Variants in SLC16A10 observed in about 807,000 individuals in gnomAD.
SLC16A10 encodes the protein monocarboxylate transporter 10.
Under a neutral mutation model 40.0 loss-of-function variants are expected in SLC16A10, and 27 were observed. The ratio of observed to expected loss-of-function variants is 0.67; its 90% confidence interval spans 0.50 to 0.93. The LOEUF (loss-of-function observed/expected upper bound fraction) is 0.93. Ranked by LOEUF, SLC16A10 falls within the 40% of genes least tolerant of loss-of-function variation. SLC16A10 has a pLI of 0.00. For missense variants in SLC16A10, 529 were observed against 658.2 expected, an observed-to-expected ratio of 0.80 and a Z score of 2.15; for synonymous variants, 213 against 249.8, an observed-to-expected ratio of 0.85 and a Z score of 1.39.
intron 1 of SLC16A10, among the ~76,000 whole-genome samples, chr6:111,144,450 G>A (rs909038336): frequency 2.6e-5 from 4 of 152,238 alleles, no homozygotes; most frequent in East Asian, 1.9e-4. Context: ...TGATCTGCCC[G>A]CCTCAGCCTC....
At chr6:111,128,081 G>T (rs1225548945) in intron 1 of SLC16A10, among the ~76,000 whole-genome samples, 1 of 152,148 alleles carries the variant, frequency 6.6e-6, no homozygotes, top group African/African-American at 2.4e-5. Context: ...GCCAAAAGGG[G>T]CAGTGATACC....
At chr6:111,219,650 A>AG (rs1412874401) in intron 5 of SLC16A10, among the ~76,000 whole-genome samples, 499 of 152,338 alleles carry the variant, frequency 3.3e-3, no homozygotes, top group Non-Finnish European at 5.4e-3. Flanking sequence ...GCCTGTAAAT[A>AG]CCTAACTGGG....
intron 1 of SLC16A10, among the ~76,000 whole-genome samples, chr6:111,113,696 G>A (rs1244566121): frequency 6.6e-6 from 1 of 152,154 alleles, no homozygotes; most frequent in East Asian, 1.9e-4. Context: ...CTTTGAAATG[G>A]ACTTCTTGGC....
intron 1 of SLC16A10, among the ~76,000 whole-genome samples, chr6:111,098,303 T>C (rs1477345314): frequency 6.6e-6 from 1 of 151,578 alleles, no homozygotes; most frequent in Non-Finnish European, 1.5e-5. Context: ...TGAAACTCAG[T>C]CTCAAAAAAA....
At chr6:111,220,703 A>G (rs1251287939) in intron 5 of SLC16A10, among the ~76,000 whole-genome samples, 7 of 152,254 alleles carry the variant, frequency 4.6e-5, no homozygotes, top group Non-Finnish European at 1.0e-4. Flanking sequence ...CTACAAGCTT[A>G]GTTTTATAGT....
chr6:111,179,822 G>A (rs779260805), intron 3 of SLC16A10, among the ~76,000 whole-genome samples: 4 of 152,136 alleles, frequency 2.6e-5, no homozygotes, highest in Admixed American at 6.5e-5. Context: ...TTATCGCACC[G>A]AATGCAGCAC....
intron 4 of SLC16A10, among the ~76,000 whole-genome samples, chr6:111,213,935 A>G (rs1428081951): frequency 1.3e-5 from 2 of 152,208 alleles, no homozygotes; most frequent in Non-Finnish European, 2.9e-5. Context: ...AACTTTAGGA[A>G]CGTCAATTAC....
At chr6:111,194,192 CT>C (rs940959700) in intron 3 of SLC16A10, among the ~76,000 whole-genome samples, 1 of 152,182 alleles carries the variant, frequency 6.6e-6, no homozygotes, top group Non-Finnish European at 1.5e-5. Context: ...CTCATGACTA[CT>C]TTACTTTCTA....
At chr6:111,220,252 T>G (rs1156735329) in intron 5 of SLC16A10, among the ~76,000 whole-genome samples, 1 of 152,256 alleles carries the variant, frequency 6.6e-6, no homozygotes, top group East Asian at 1.9e-4. Context: ...GAAAATATTT[T>G]GGAACTAAAT....
At chr6:111,128,832 T>C (rs1583317526) in intron 1 of SLC16A10, among the ~76,000 whole-genome samples, 1 of 152,212 alleles carries the variant, frequency 6.6e-6, no homozygotes, top group East Asian at 1.9e-4. Context: ...ACAAATTGTT[T>C]TTATATTTTT....
intron 1 of SLC16A10, among the ~76,000 whole-genome samples, chr6:111,130,621 C>T (rs182453897): frequency 3.3e-5 from 5 of 152,330 alleles, no homozygotes; most frequent in African/African-American, 1.2e-4. Context: ...GGGCCATTCA[C>T]TTCTGCTGCT....
chr6:111,178,517 C>T (rs922462179), intron 3 of SLC16A10: 7 of 489,228 alleles, frequency 1.4e-5, no homozygotes, highest in Non-Finnish European at 2.0e-5. Context: ...TCAAGACCAG[C>T]GTGGGCAACA....
intron 1 of SLC16A10, among the ~76,000 whole-genome samples, chr6:111,094,722 C>G (rs1771042887): frequency 6.6e-6 from 1 of 152,148 alleles, no homozygotes; most frequent in Admixed American, 6.6e-5. Context: ...ACTGCAGCCT[C>G]AAACTTCTAA....
At chr6:111,220,518 C>G (rs1209805771) in intron 5 of SLC16A10, among the ~76,000 whole-genome samples, 1 of 152,170 alleles carries the variant, frequency 6.6e-6, no homozygotes, top group Non-Finnish European at 1.5e-5. Context: ...AGGTTTAGCT[C>G]AATTCATTCT....
At chr6:111,169,919 C>CTTTTTTTTTTTTTTTTT (rs60561269) in intron 1 of SLC16A10, among the ~76,000 whole-genome samples, 1 of 135,114 alleles carries the variant, frequency 7.4e-6, no homozygotes, top group Non-Finnish European at 1.6e-5. Flanking sequence ...TCTTTTCTTT[C>CTTTTTTTTTTTTTTTTT]TTTTTTTTTT....
In SLC16A10 at chr6:111,120,213, T is replaced by G. The variant is rs1771559938; in HGVS notation, c.343+32118T>G. Among the ~76,000 whole-genome samples the G allele has an allele frequency of 2.0e-5, 3 of 152,228 alleles. 1 individual carries two copies. The South Asian group carries it at 6.2e-4, about 32-fold the overall frequency. On this transcript the variant is annotated intron_variant, in intron 1 of 5. Transcript: ENST00000368851. ...TGAAACATTTTTTTCCATTTCTCCTTTTTCTGTGTTTAGTAATCCTTTCTT... is the reference window on the plus strand; with the variant it reads ...TGAAACATTTTTTTCCATTTCTCCTGTTTCTGTGTTTAGTAATCCTTTCTT...
chr6:111,132,890 A>C (rs922415487), intron 1 of SLC16A10, among the ~76,000 whole-genome samples: 6 of 152,190 alleles, frequency 3.9e-5, no homozygotes, highest in African/African-American at 1.4e-4. Flanking sequence ...TTGCCTAATA[A>C]TTGGTCTGCT....
intron 1 of SLC16A10, among the ~76,000 whole-genome samples, chr6:111,121,298 A>G (rs1467958872): frequency 6.6e-6 from 1 of 152,220 alleles, no homozygotes; most frequent in Non-Finnish European, 1.5e-5. Context: ...ACGGTGGCTC[A>G]CACCGGTAAT....
intron 1 of SLC16A10, among the ~76,000 whole-genome samples, chr6:111,094,606 C>G (rs550555408): frequency 4.8e-4 from 73 of 152,222 alleles, no homozygotes; most frequent in Non-Finnish European, 8.8e-4. Context: ...ACTTTTCTTT[C>G]ACTACTGTGT....
Sources: allele counts gnomAD v4.1 joint callset (sites outside exome capture counted in the v4.1 genomes callset), GRCh38; gene constraint gnomAD v4.1.1; transcripts MANE v1.5; gene names NCBI Gene and HGNC (gene_info 2026-07-23, HGNC 2026-07-21).